The following ODAD1 variants were observed in gnomAD, a reference collection of about 807,000 sequenced individuals.
ODAD1 encodes the protein outer dynein arm-docking complex subunit 1.
A neutral mutation model predicts 67.2 loss-of-function variants in ODAD1; 49 were observed. That is an observed-to-expected ratio of 0.73 (90% CI 0.58 to 0.92). The LOEUF (loss-of-function observed/expected upper bound fraction) is 0.92, where lower values mean the gene tolerates loss of function less well. ODAD1 is among the 40% of genes least tolerant of loss of function. The probability of loss-of-function intolerance (pLI) is 0.00; values close to 1 mark genes in which losing one functional copy is unlikely to be tolerated. For synonymous variants in ODAD1, 345 were observed against 393.7 expected, an observed-to-expected ratio of 0.88 and a Z score of 1.46; for missense variants, 897 against 953.7, an observed-to-expected ratio of 0.94 and a Z score of 0.78.
rs1365220502 is a variant in ODAD1, at chr19:48,297,445, G to C, written c.1655C>G (p.Thr552Ser). The C allele has an allele frequency of 6.2e-7, 1 of 1,602,766 alleles. No individual in the cohort carries two copies. Among genetic ancestry groups the C allele is most frequent in the East Asian group, 2.2e-5 (1 of 44,806 alleles). Residue 552 changes from threonine (T) to serine (S), a missense_variant, in exon 16 of 16, where the codon ACC becomes AGC. Thr to Ser is a moderately conservative substitution (Grantham distance 58). Coordinates refer to ENST00000674294, the MANE Select transcript of ODAD1 (RefSeq NM_001364171.2). ...LAAAAAKLDGTLSVDLASTQR... is the reference protein window; with the variant it reads ...LAAAAAKLDGSLSVDLASTQR... Reference sequence around the variant, plus strand: ...GGTGCTGGCCAGGTCCACGCTCAGGGTGCCGTCCAGCTTCGCGGCGGCGGC... The same window carrying C: ...GGTGCTGGCCAGGTCCACGCTCAGGCTGCCGTCCAGCTTCGCGGCGGCGGC...
At chr19:48,299,136 G>A (rs1159256537) in intron 12 of ODAD1, among the ~76,000 whole-genome samples, 4 of 152,256 alleles carry the variant, frequency 2.6e-5, no homozygotes, top group Non-Finnish European at 5.9e-5. Context: ...CAGGCTGGGT[G>A]CAGTGGCTCA....
At chr19:48,310,711 A>C (rs1968734650) in intron 7 of ODAD1, among the ~76,000 whole-genome samples, 1 of 152,244 alleles carries the variant, frequency 6.6e-6, no homozygotes, top group Non-Finnish European at 1.5e-5. Flanking sequence ...AAATTATCAA[A>C]CTGGGTGAAA....
intron 5 of ODAD1, among the ~76,000 whole-genome samples, chr19:48,315,655 T>C (rs1968878622): frequency 6.6e-6 from 1 of 152,210 alleles, no homozygotes; most frequent in Non-Finnish European, 1.5e-5. Context: ...CCTCATCCTC[T>C]TCCTGCAGTC....
chr19:48,319,400 G>A (rs770260423), intron 3 of ODAD1: 10 of 984,642 alleles, frequency 1.0e-5, no homozygotes, highest in Non-Finnish European at 9.6e-6. Flanking sequence ...CTCAGCCTGG[G>A]ATCCCAGACC....
chr19:48,311,472 T>C lies in ODAD1; in HGVS notation c.597+81A>G, dbSNP rs527506902. On this transcript the variant is annotated intron_variant, in intron 7 of 15. Coordinates refer to ENST00000674294, the MANE Select transcript of ODAD1 (RefSeq NM_001364171.2). Reference sequence around the variant, plus strand: ...AATCCCATACTTGAGGCCTGAGTGCTAGAGCAGGAAGGGCAAACAGCTGTG... The same window carrying C: ...AATCCCATACTTGAGGCCTGAGTGCCAGAGCAGGAAGGGCAAACAGCTGTG... 204 of 799,848 alleles carry C rather than the reference T, an allele frequency of 2.6e-4. 1 individual carries two copies. In the African/African-American group the frequency reaches 3.2e-3, roughly 12 times the overall value. The allele number at this position is 799,848 out of a possible 1,614,324, so 49.5% of individuals were successfully genotyped here. A position where few individuals can be genotyped will look rare whatever the true frequency, so the allele number is the denominator to read the frequency against.
At chr19:48,302,950 G>T in intron 11 of ODAD1, 63 bp downstream of exon 11, 1 of 1,606,246 alleles carries the variant, frequency 6.2e-7, no homozygotes, top group Non-Finnish European at 8.5e-7. Flanking sequence ...GCAGGCTGAG[G>T]GAGGGAAGGG....
In ODAD1 at chr19:48,297,076, G is replaced by T. The variant is rs74925056; in HGVS notation, c.2024C>A (p.Ser675Ter). Reference sequence around the variant, plus strand: ...TCTGCTGGACCCGAGGCCTCCGCTCGAATCAGACGCTGTGCCTCCGCTCTC... The same window carrying T: ...TCTGCTGGACCCGAGGCCTCCGCTCTAATCAGACGCTGTGCCTCCGCTCTC... ...GVESGGTASD[S>*]SGGLGSSRDH... The change falls in exon 16 of 16, where the codon TCG becomes TAG. Residue 675 changes from serine to a stop codon, truncating the protein, a stop_gained. Transcript: ENST00000674294. LOFTEE classifies it low-confidence loss of function (END_TRUNC). The T allele has an allele frequency of 1.2e-6, 2 of 1,613,148 alleles. No homozygotes were observed. The highest frequency in any genetic ancestry group is 2.7e-5 in the African/African-American group (2 of 74,972).
At chr19:48,307,871 T>G (rs1968656259) in intron 7 of ODAD1, among the ~76,000 whole-genome samples, 1 of 149,340 alleles carries the variant, frequency 6.7e-6, no homozygotes, top group African/African-American at 2.5e-5. Flanking sequence ...CAACACCTAC[T>G]CTTCCCTAGA....
chr19:48,317,054 G>A (rs1035604245), intron 5 of ODAD1, among the ~76,000 whole-genome samples: 18 of 152,062 alleles, frequency 1.2e-4, no homozygotes, highest in Non-Finnish European at 2.1e-4. Flanking sequence ...GGAGTGCAAC[G>A]GGGCAATCAC....
chr19:48,297,614 C>T lies in ODAD1; in HGVS notation c.1557G>A (p.Glu519=), dbSNP rs764059373. 1 of 1,535,676 alleles carries T rather than the reference C, an allele frequency of 6.5e-7. No homozygotes were observed. Reference sequence around the variant, plus strand: ...CCAGCTTCTCCACTTGGCTCAGCAGCTCCTCCCTGCTCATGGGGTAGTCAT... The same window carrying T: ...CCAGCTTCTCCACTTGGCTCAGCAGTTCCTCCCTGCTCATGGGGTAGTCAT... ...ASDDYPMSRE[E]LLSQVEKLVE... The change falls in exon 15 of 16, where the codon GAG becomes GAA. Residue 519 remains glutamate (E), a synonymous_variant. Transcript: ENST00000674294.
intron 5 of ODAD1, among the ~76,000 whole-genome samples, chr19:48,314,465 C>T (rs1968846907): frequency 6.6e-6 from 1 of 152,194 alleles, no homozygotes; most frequent in Non-Finnish European, 1.5e-5. Flanking sequence ...CTGCAGCAAA[C>T]TTAAGACTCA....
intron 7 of ODAD1, among the ~76,000 whole-genome samples, chr19:48,307,251 G>A (rs1039854519): frequency 6.6e-6 from 1 of 151,582 alleles, no homozygotes; most frequent in African/African-American, 2.4e-5. Context: ...GGAAAAAGCT[G>A]GTGATATTGG....
At position 48,313,836 on chromosome 19, in the gene ODAD1, T is replaced by C. The variant is rs992042410; in HGVS notation, c.361-1720A>G. Among the ~76,000 whole-genome samples, 31 of 151,828 alleles carry C rather than the reference T, an allele frequency of 2.0e-4. 1 individual carries two copies. Among genetic ancestry groups the C allele is most frequent in the Admixed American group, 2.0e-3 (30 of 15,256 alleles). ...AGCTCGAAGCTGCAGTGAGCTGTGA[T>C]TGAGCCACTGTACTCCAGCCTGGGT... On this transcript the variant is annotated intron_variant, in intron 5 of 15. Transcript: ENST00000674294.
At chr19:48,308,183 T>C (rs2147323617) in intron 7 of ODAD1, among the ~76,000 whole-genome samples, 1 of 152,162 alleles carries the variant, frequency 6.6e-6, no homozygotes, top group South Asian at 2.1e-4. Context: ...TTTTGCTTTT[T>C]TTTTTTTTGA....
Position 48,303,657 on chromosome 19 carries a change from A to C in ODAD1, c.981T>G (p.Tyr327Ter). Residue 327 changes from tyrosine to a stop codon, truncating the protein, a stop_gained, in exon 10 of 16, where the codon TAT (tyrosine) becomes TAG (stop). Coordinates refer to ENST00000674294, the MANE Select transcript of ODAD1 (RefSeq NM_001364171.2). LOFTEE classifies it high-confidence loss of function. ...ESDPDLLVQK[Y>*]LEIEERNFAE... The stretch of plus-strand genomic sequence containing the variant: ...ACCCAGGGCCCCACTCACTCTCCAG[A>C]TACTTCTGCACCAACAGGTCAGGGT... 1 of 1,614,034 alleles carries C rather than the reference A, an allele frequency of 6.2e-7. No homozygotes were observed. Among genetic ancestry groups the C allele is most frequent in the South Asian group, 1.1e-5 (1 of 91,080 alleles).
intron 5 of ODAD1, among the ~76,000 whole-genome samples, chr19:48,313,119 A>G (rs1458818094): frequency 6.6e-6 from 1 of 152,112 alleles, no homozygotes; most frequent in Non-Finnish European, 1.5e-5. Flanking sequence ...TTATGGGTTG[A>G]ATCATGTCCC....
At chr19:48,312,147 G>A (rs1017489171) in intron 5 of ODAD1, 31 bp from the exon 6 acceptor site, 1 of 1,544,254 alleles carries the variant, frequency 6.5e-7, no homozygotes, top group Non-Finnish European at 8.8e-7. Flanking sequence ...CCTGTTTTTG[G>A]TTGCCTGAAT....
At chr19:48,319,364 G>A (rs1968983090) in intron 3 of ODAD1, 2 of 903,412 alleles carry the variant, frequency 2.2e-6, no homozygotes, top group South Asian at 5.0e-5. Flanking sequence ...TGATGCCCCA[G>A]TACCTGCAGG....
intron 7 of ODAD1, among the ~76,000 whole-genome samples, chr19:48,309,795 G>C (rs1460166367): frequency 6.6e-6 from 1 of 152,164 alleles, no homozygotes; most frequent in Non-Finnish European, 1.5e-5. Flanking sequence ...ACTCTTCCTG[G>C]CTAGCCAAGT....
Sources: gnomAD v4.1 joint callset for allele counts (sites outside exome capture counted in the v4.1 genomes callset) on GRCh38, gnomAD v4.1.1 for gene constraint, MANE v1.5 for transcripts, NCBI Gene and HGNC (gene_info 2026-07-23, HGNC 2026-07-21) for gene names.